GSTM5: variants seen among roughly 807,000 people sequenced by gnomAD.
The protein encoded by GSTM5 is glutathione S-transferase mu 5, also known as GST class-mu 5.
GSTM5 carries 24 observed loss-of-function variants against 29.0 expected under a neutral mutation model. That is an observed-to-expected ratio of 0.83 (90% CI 0.60 to 1.16). The LOEUF is 1.16. Ranked by LOEUF, GSTM5 falls within the 50% of genes most tolerant of loss-of-function variation. The pLI is 0.00. For missense variants in GSTM5, 290 were observed against 263.0 expected (o/e 1.10, Z -0.71); for synonymous variants, 91 against 93.6 (o/e 0.97, Z 0.16).
At chr1:109,714,885 G>A in intron 5 of GSTM5, 62 bp from the exon 6 acceptor site, 8 of 1,540,526 alleles carry the variant, frequency 5.2e-6, no homozygotes, top group Non-Finnish European at 7.2e-6. Context: ...ACAGCCCTGG[G>A]GAGGCCACGT....
rs1256233013 is a variant in GSTM5 at position 109,715,047 on chromosome 1, AG to A, written c.456+7del. On this transcript the variant is annotated splice_donor_region_variant and intron_variant, in intron 6 of 7. Coordinates refer to ENST00000256593, the MANE Select transcript of GSTM5 (RefSeq NM_000851.4). ...CCATGGTTTGCAGGAGACAAGGTAA[AG>A]GAGGAGTGATATGGGGAATGAGATC... 1.1e-5 allele frequency: 17 copies of A among 1,614,116 alleles called. No individual in the cohort carries two copies. Among genetic ancestry groups the A allele is most frequent in the East Asian group, 4.5e-5 (2 of 44,898 alleles).
At chr1:109,716,228 C>A in intron 7 of GSTM5, 1 of 215,380 alleles carries the variant, frequency 4.6e-6, no homozygotes, top group Non-Finnish European at 9.3e-6. Flanking sequence ...GGCATTAGTC[C>A]AACAGGCTTC....
At chr1:109,713,341 A>C in intron 3 of GSTM5, 143 bp from the exon 4 acceptor site, 2 of 1,393,532 alleles carry the variant, frequency 1.4e-6, no homozygotes, top group Middle Eastern at 2.4e-4. Context: ...TCTGTGTCCC[A>C]GCTCATTTAT....
upstream of GSTM5, chr1:109,712,186 GT>G (rs1648539588): frequency 9.7e-7 from 1 of 1,029,836 alleles, no homozygotes; most frequent in Admixed American, 1.7e-5. Context: ...AGAATGGCGT[GT>G]TTCGGGGTTG....
upstream of GSTM5, chr1:109,712,194 G>C (rs1397899995): frequency 7.3e-6 from 8 of 1,099,674 alleles, no homozygotes; most frequent in Non-Finnish European, 9.7e-6. Flanking sequence ...GTGTTTCGGG[G>C]TTGTGGCGGG....
chr1:109,713,146 T>A lies in GSTM5; in HGVS notation c.140T>A (p.Leu47Gln), dbSNP rs754131086. 14 of 1,612,456 alleles carry A rather than the reference T, an allele frequency of 8.7e-6. No homozygotes were observed. The South Asian group carries it at 1.5e-4, about 18-fold the overall frequency. Residue 47 changes from leucine to glutamine, a missense_variant, in exon 3 of 8, where the codon CTG (leucine) becomes CAG (glutamine). Coordinates refer to ENST00000256593, the MANE Select transcript of GSTM5 (RefSeq NM_000851.4). ...CCTGACTATGACAGAAGCCAGTGGCTGAATGAAAAATTCAAGCTGGGCCTG... is the reference window on the plus strand; with the variant it reads ...CCTGACTATGACAGAAGCCAGTGGCAGAATGAAAAATTCAAGCTGGGCCTG... ...DAPDYDRSQW[L>Q]NEKFKLGLDF...
chr1:109,715,543 G>C, intron 7 of GSTM5: 1 of 1,415,044 alleles, frequency 7.1e-7, no homozygotes, highest in Non-Finnish European at 9.3e-7. Flanking sequence ...TGAGCCTCTG[G>C]ATCTATGGGT....
rs2101319842 is a variant in GSTM5, at chr1:109,715,185, A to T, written c.512A>T (p.Glu171Val). The part of the protein sequence containing the change: ...YDVLDMKRIF[E>V]PKCLDAFLNL... Reference sequence around the variant, plus strand: ...GTCCTTGACATGAAGCGTATATTTGAGCCCAAGTGCTTGGACGCCTTCCTA... The same window carrying T: ...GTCCTTGACATGAAGCGTATATTTGTGCCCAAGTGCTTGGACGCCTTCCTA... Residue 171 changes from glutamate to valine, a missense_variant, in exon 7 of 8, where the codon GAG (glutamate) becomes GTG (valine). By Grantham distance (121) the Glu-to-Val change is moderately radical (BLOSUM62 -2). Transcript: ENST00000256593. The T allele has an allele frequency of 6.2e-7, 1 of 1,614,156 alleles. No individual in the cohort carries two copies. Among genetic ancestry groups the T allele is most frequent in the South Asian group, 1.1e-5 (1 of 91,074 alleles).
rs1013564097 is a variant in GSTM5, at chr1:109,712,928, G to A, written c.113-191G>A. On this transcript the variant is annotated intron_variant, in intron 2 of 7. Transcript: ENST00000256593. ...TCCCTCAGAGCTTCCCTAAACCCTG[G>A]AAGCCTTAGCCGTTGTGGGGTCCAG... is the stretch of plus-strand genomic sequence containing the variant. 5.6e-5 allele frequency: 49 copies of A among 872,998 alleles called. 1 individual carries two copies. The highest frequency in any genetic ancestry group is 3.9e-4 in the South Asian group (26 of 66,508). 54.1% of individuals were successfully genotyped at this position (872,998 alleles called of 1,614,324 possible).
In GSTM5 at chr1:109,715,701, A is replaced by G. The variant is rs1648721945; in HGVS notation, c.567+461A>G. ...AATAGTAGGACTGACACACAGTGGCATTGATGTTGAGTACTAAACCTGCAG... is the reference window on the plus strand; with the variant it reads ...AATAGTAGGACTGACACACAGTGGCGTTGATGTTGAGTACTAAACCTGCAG... On this transcript the variant is annotated intron_variant, in intron 7 of 7. Transcript: ENST00000256593. The G allele has an allele frequency of 1.1e-5, 5 of 471,662 alleles. No individual in the cohort carries two copies. In the South Asian group the frequency reaches 1.1e-4, roughly 10 times the overall value. The allele number at this position is 471,662 out of a possible 1,614,324, so 29.2% of individuals were successfully genotyped here.
At chr1:109,716,999 GTTC>G (rs1648766383) in intron 7 of GSTM5, 1 of 178,392 alleles carries the variant, frequency 5.6e-6, no homozygotes, top group Non-Finnish European at 1.2e-5. Flanking sequence ...CTGAACTTCT[GTTC>G]TTCTATATGA....
chr1:109,713,670 C>T lies in GSTM5; in HGVS notation c.269C>T (p.Thr90Ile). 6 of 1,614,146 alleles carry T rather than the reference C, an allele frequency of 3.7e-6. No homozygotes were observed. The highest frequency in any genetic ancestry group is 5.1e-6 in the Non-Finnish European group (6 of 1,180,032). ...IARKHNLCGETEEEKIRVDIL... is the reference protein window; with the variant it reads ...IARKHNLCGEIEEEKIRVDIL... ...GTTTTGTGGGTGGCAGGTGGGGAGACAGAAGAGGAGAAGATTCGTGTGGAC... is the reference window on the plus strand; with the variant it reads ...GTTTTGTGGGTGGCAGGTGGGGAGATAGAAGAGGAGAAGATTCGTGTGGAC... Residue 90 changes from threonine to isoleucine, a missense_variant, in exon 5 of 8, where the codon ACA becomes ATA. Thr to Ile is a moderately conservative substitution (Grantham distance 89). Transcript: ENST00000256593.
Position 109,712,671 on chromosome 1 carries a change from A to C in GSTM5, c.90A>C (p.Glu30Asp). ...AATACACAGACTCAAGCTATGTGGA[A>C]AAGAAGTACACGCTGGGGGACGGTA... is the stretch of plus-strand genomic sequence containing the variant. ...LLEYTDSSYV[E>D]KKYTLGDAPD... Residue 30 changes from glutamate to aspartate, a missense_variant, in exon 2 of 8, where the codon GAA becomes GAC. By Grantham distance (45) the Glu-to-Asp change is conservative (BLOSUM62 2). Coordinates refer to ENST00000256593, the MANE Select transcript of GSTM5 (RefSeq NM_000851.4). 6.2e-7 allele frequency: 1 copy of C among 1,614,142 alleles called. No homozygotes were observed. Among genetic ancestry groups the C allele is most frequent in the Non-Finnish European group, 8.5e-7 (1 of 1,180,016 alleles).
chr1:109,712,386 G>A, intron 1 of GSTM5, 38 bp downstream of exon 1: 3 of 1,606,878 alleles, frequency 1.9e-6, no homozygotes, highest in African/African-American at 1.3e-5. Context: ...ACAGGGGGCG[G>A]AGGCGGGGAT....
In GSTM5 at chr1:109,714,203, C is replaced by T. The variant is rs576197050; in HGVS notation, c.360+442C>T. ...GGCAATTCCCACCAATCTTAGGACACGATCCAGGCATCCCACGGTGGAAAT... is the reference window on the plus strand; with the variant it reads ...GGCAATTCCCACCAATCTTAGGACATGATCCAGGCATCCCACGGTGGAAAT... On this transcript the variant is annotated intron_variant, in intron 5 of 7. Coordinates refer to ENST00000256593, the MANE Select transcript of GSTM5 (RefSeq NM_000851.4). 2.6e-4 allele frequency: 42 copies of T among 161,084 alleles called. 1 individual carries two copies. In the South Asian group the frequency reaches 2.7e-3, roughly 10 times the overall value. The allele number at this position is 161,084 out of a possible 1,614,324, so 10.0% of individuals were successfully genotyped here.
chr1:109,714,732 A>G, intron 5 of GSTM5: 4 of 605,516 alleles, frequency 6.6e-6, no homozygotes, highest in Non-Finnish European at 3.0e-6. Flanking sequence ...CAGGAAGAGC[A>G]TCTCATTCTG....
chr1:109,713,473 C>T lies in GSTM5; in HGVS notation c.178-11C>T. On this transcript the variant is annotated splice_polypyrimidine_tract_variant and intron_variant, in intron 3 of 7. Transcript: ENST00000256593. ...GCCCAACTGAGCTTCCCCGGTTTCCCATCTATCCAGCTGCCCTACTTGATT... is the reference window on the plus strand; with the variant it reads ...GCCCAACTGAGCTTCCCCGGTTTCCTATCTATCCAGCTGCCCTACTTGATT... The T allele has an allele frequency of 6.2e-7, 1 of 1,614,240 alleles. No homozygotes were observed. Among genetic ancestry groups the T allele is most frequent in the Non-Finnish European group, 8.5e-7 (1 of 1,180,044 alleles).
In GSTM5 at chr1:109,717,330, C is replaced by T. The variant is rs1010303956; in HGVS notation, c.568-7C>T. 6.2e-7 allele frequency: 1 copy of T among 1,611,756 alleles called. No homozygotes were observed. On this transcript the variant is annotated splice_polypyrimidine_tract_variant and splice_region_variant and intron_variant, in intron 7 of 7. Coordinates refer to ENST00000256593, the MANE Select transcript of GSTM5 (RefSeq NM_000851.4). ...ACCTGGCTCTGGCCCCTTCTTCCCG[C>T]CCTCAGGGTTTGAAGAAGATCTCTG...
intron 1 of GSTM5, 55 bp downstream of exon 1, chr1:109,712,403 A>C: frequency 1.3e-6 from 2 of 1,529,192 alleles, no homozygotes; most frequent in South Asian, 1.1e-5. Context: ...GGATGTGTGG[A>C]GTAGCTGCAG....
Sources: allele counts gnomAD v4.1 joint callset, GRCh38; gene constraint gnomAD v4.1.1; transcripts MANE v1.5; gene names NCBI Gene and HGNC (gene_info 2026-07-23, HGNC 2026-07-21).